The following FRMD3 variants were observed in gnomAD, a reference collection of about 807,000 sequenced individuals.
FRMD3 encodes FERM domain-containing protein 3.
FRMD3 carries 33 observed loss-of-function variants against 70.2 expected under a neutral mutation model. The observed-to-expected ratio is 0.47, with a 90% CI of 0.36 to 0.63. The LOEUF (loss-of-function observed/expected upper bound fraction) is 0.63. Ranked by LOEUF, FRMD3 falls within the 20% of genes least tolerant of loss-of-function variation. FRMD3 has a pLI of 0.00. For missense variants in FRMD3, 632 were observed against 711.4 expected, an observed-to-expected ratio of 0.89 and a Z score of 1.27; for synonymous variants, 279 against 255.9, an observed-to-expected ratio of 1.09 and a Z score of -0.86.
At chr9:83,456,442 G>A (rs1004989720) in intron 1 of FRMD3, among the ~76,000 whole-genome samples, 3 of 152,168 alleles carry the variant, frequency 2.0e-5, no homozygotes, top group Non-Finnish European at 4.4e-5. Context: ...GAGTCAGAGA[G>A]AGAGAGGTAG....
chr9:83,535,965 G>A (rs1474807682), intron 1 of FRMD3, among the ~76,000 whole-genome samples: 2 of 152,184 alleles, frequency 1.3e-5, no homozygotes, highest in Non-Finnish European at 2.9e-5. Flanking sequence ...CTAAGCAAAT[G>A]GGAAGTCTTT....
At chr9:83,301,235 G>T (rs893763764) in intron 10 of FRMD3, among the ~76,000 whole-genome samples, 1 of 152,098 alleles carries the variant, frequency 6.6e-6, no homozygotes, top group African/African-American at 2.4e-5. Context: ...GCATTGAGAT[G>T]GTCCCAGCTG....
At chr9:83,464,061 C>G (rs577438203) in intron 1 of FRMD3, among the ~76,000 whole-genome samples, 1 of 152,188 alleles carries the variant, frequency 6.6e-6, no homozygotes, top group Admixed American at 6.5e-5. Context: ...GTACACACCC[C>G]CTGCATGAAT....
chr9:83,478,828 T>C (rs923013064), intron 1 of FRMD3, among the ~76,000 whole-genome samples: 5 of 152,116 alleles, frequency 3.3e-5, no homozygotes, highest in African/African-American at 1.2e-4. Flanking sequence ...CAGGATTGCC[T>C]TCAAGCAGAG....
intron 3 of FRMD3, 77 bp downstream of exon 3, chr9:83,372,836 A>C: frequency 7.7e-7 from 1 of 1,293,112 alleles, no homozygotes; most frequent in Non-Finnish European, 1.1e-6. Context: ...TTCCCCTGGC[A>C]GGAGAAAGTT....
At chr9:83,323,349 C>T (rs951918434) in intron 6 of FRMD3, among the ~76,000 whole-genome samples, 4 of 152,150 alleles carry the variant, frequency 2.6e-5, no homozygotes, top group African/African-American at 7.2e-5. Context: ...TAAAGCTACA[C>T]GCTATGAGAT....
At chr9:83,446,618 G>C (rs371499558) in intron 1 of FRMD3, among the ~76,000 whole-genome samples, 2 of 136,578 alleles carry the variant, frequency 1.5e-5, no homozygotes, top group African/African-American at 2.9e-5. Flanking sequence ...CTGCACTCCA[G>C]CCTGGGCGAC....
chr9:83,371,293 A>G (rs1270056321), intron 3 of FRMD3, among the ~76,000 whole-genome samples: 2 of 151,188 alleles, frequency 1.3e-5, no homozygotes, highest in Non-Finnish European at 2.9e-5. Flanking sequence ...ATCATACTAT[A>G]TAGCCTCCTG....
intron 1 of FRMD3, among the ~76,000 whole-genome samples, chr9:83,404,135 G>T (rs1243082209): frequency 6.6e-6 from 1 of 152,024 alleles, no homozygotes; most frequent in Admixed American, 6.6e-5. Flanking sequence ...AATATTTAAA[G>T]ACTGGAAGAT....
At chr9:83,372,370 GAAA>G (rs34110409) in intron 3 of FRMD3, among the ~76,000 whole-genome samples, 138 of 18,468 alleles carry the variant, frequency 7.5e-3, no homozygotes, top group African/African-American at 0.021. Flanking sequence ...AGAGAGAGAC[GAAA>G]AAAAAAAAAA....
chr9:83,536,908 G>GGTGGT (rs1218422885), intron 1 of FRMD3, among the ~76,000 whole-genome samples: 1 of 132,302 alleles, frequency 7.6e-6, no homozygotes, highest in East Asian at 2.5e-4. Context: ...CACTGACATG[G>GGTGGT]GTGGTGTGCC....
intron 1 of FRMD3, among the ~76,000 whole-genome samples, chr9:83,448,462 G>A (rs934215554): frequency 6.6e-6 from 1 of 152,174 alleles, no homozygotes; most frequent in Non-Finnish European, 1.5e-5. Flanking sequence ...CAGCGGTAAG[G>A]CCTCAGGTGG....
At chr9:83,330,324 C>CA (rs71498045) in intron 6 of FRMD3, among the ~76,000 whole-genome samples, 20,508 of 97,998 alleles carry the variant, frequency 0.21, 1,655 homozygotes, top group Admixed American at 0.26. Context: ...AACTCCATCT[C>CA]AAAAAAAAAA....
At chr9:83,459,519 A>G (rs1827911720) in intron 1 of FRMD3, among the ~76,000 whole-genome samples, 1 of 152,238 alleles carries the variant, frequency 6.6e-6, no homozygotes, top group Non-Finnish European at 1.5e-5. Context: ...CCCCAAGACC[A>G]CAGAGGCTAC....
rs76421780 is a variant in FRMD3, at chr9:83,338,389, C to G, written c.473-2750G>C. ...TTTCTGGGCATTTTTCCTAGAAAAACTCTAGGTGCAAAAAAAGGATATGTT... is the reference window on the plus strand; with the variant it reads ...TTTCTGGGCATTTTTCCTAGAAAAAGTCTAGGTGCAAAAAAAGGATATGTT... On this transcript the variant is annotated intron_variant, in intron 5 of 13. Transcript: ENST00000304195. Among the ~76,000 whole-genome samples, 223 of 152,112 alleles carry G rather than the reference C, an allele frequency of 1.5e-3. 1 individual carries two copies. The highest frequency in any genetic ancestry group is 5.2e-3 in the African/African-American group (216 of 41,494).
At chr9:83,525,152 G>C (rs1036936110) in intron 1 of FRMD3, among the ~76,000 whole-genome samples, 10 of 152,250 alleles carry the variant, frequency 6.6e-5, no homozygotes, top group Non-Finnish European at 8.8e-5. Flanking sequence ...TGACTTTCCA[G>C]ATTAACGTTT....
chr9:83,263,839 A>G (rs1376238300), intron 13 of FRMD3, among the ~76,000 whole-genome samples: 2 of 152,232 alleles, frequency 1.3e-5, no homozygotes, highest in Non-Finnish European at 2.9e-5. Context: ...AAACATCCAT[A>G]TATATCCAGG....
At chr9:83,383,571 G>GCT (rs1207829655) in intron 2 of FRMD3, among the ~76,000 whole-genome samples, 1 of 152,120 alleles carries the variant, frequency 6.6e-6, no homozygotes, top group Non-Finnish European at 1.5e-5. Flanking sequence ...AGTCAGCCCT[G>GCT]CTGTTCTTGC....
At chr9:83,489,013 T>TGTGTGTGTGC (rs1217450240) in intron 1 of FRMD3, among the ~76,000 whole-genome samples, 2 of 143,258 alleles carry the variant, frequency 1.4e-5, no homozygotes, top group South Asian at 2.2e-4. Context: ...TGTGTGTGTG[T>TGTGTGTGTGC]GTGCTTGTGT....
Sources: allele counts gnomAD v4.1 joint callset (sites outside exome capture counted in the v4.1 genomes callset), GRCh38; gene constraint gnomAD v4.1.1; transcripts MANE v1.5; gene names NCBI Gene and HGNC (gene_info 2026-07-23, HGNC 2026-07-21).